NRG3: variants seen among roughly 807,000 people sequenced by gnomAD.
NRG3 encodes pro-neuregulin-3, membrane-bound isoform.
In NRG3, 31 loss-of-function variants were observed where a neutral mutation model predicts 66.9. The ratio of observed to expected loss-of-function variants is 0.46; its 90% CI spans 0.35 to 0.63. The LOEUF (loss-of-function observed/expected upper bound fraction) is 0.63, where lower values mean the gene tolerates loss of function less well. Among genes scored for constraint, NRG3 ranks in the 20% least tolerant of loss-of-function variants. The pLI is 0.00. For synonymous variants in NRG3, 393 were observed against 359.4 expected, an observed-to-expected ratio of 1.09 and a Z score of -1.06; for missense variants, 910 against 878.9, an observed-to-expected ratio of 1.04 and a Z score of -0.45.
chr10:82,595,674 A>G (rs942511245), intron 2 of NRG3, among the ~76,000 whole-genome samples: 1 of 151,632 alleles, frequency 6.6e-6, no homozygotes, highest in Non-Finnish European at 1.5e-5. Flanking sequence ...AGTCCCAGCT[A>G]CTCGGGAGGT....
chr10:82,632,868 T>G (rs2049938288), intron 2 of NRG3, among the ~76,000 whole-genome samples: 1 of 152,200 alleles, frequency 6.6e-6, no homozygotes, highest in South Asian at 2.1e-4. Context: ...GCTGTGATAG[T>G]TGCTCAAGTG....
rs34278793 is a variant in NRG3 at position 81,881,199 on chromosome 10, G to GT, written c.823+5043dup. ...TGTTTTTTTTGTGTTTTTTTTTTTT[G>GT]TTTTTTTGCCCTTTTTTCCTTAGCC... On this transcript the variant is annotated intron_variant, in intron 1 of 8. Coordinates refer to ENST00000372141, the MANE Select transcript of NRG3 (RefSeq NM_001010848.4). Among the ~76,000 whole-genome samples, 1,105 of 121,262 alleles carry GT rather than the reference G, an allele frequency of 9.1e-3. 14 individuals carry two copies. Among genetic ancestry groups the GT allele is most frequent in the African/African-American group, 0.032 (1,061 of 32,878 alleles). 79.6% of individuals were successfully genotyped at this position (121,262 alleles called of 152,430 possible).
chr10:82,963,766 A>C (rs1850917412), intron 6 of NRG3, among the ~76,000 whole-genome samples: 1 of 152,206 alleles, frequency 6.6e-6, no homozygotes, highest in Non-Finnish European at 1.5e-5. Flanking sequence ...AATTCCAAAA[A>C]CTTGAAAATA....
At chr10:82,165,261 A>G (rs1244069106) in intron 1 of NRG3, among the ~76,000 whole-genome samples, 1 of 151,992 alleles carries the variant, frequency 6.6e-6, no homozygotes, top group Non-Finnish European at 1.5e-5. Context: ...TACTGGGAGA[A>G]ATTTTAAGAA....
chr10:82,964,792 G>A (rs1054768071), intron 6 of NRG3, among the ~76,000 whole-genome samples: 4 of 152,112 alleles, frequency 2.6e-5, no homozygotes, highest in Non-Finnish European at 5.9e-5. Flanking sequence ...CAGACCAGGC[G>A]ATTATCAGCA....
rs575350819 is a variant in NRG3 at position 82,651,715 on chromosome 10, A to G, written c.954-86862A>G. Among the ~76,000 whole-genome samples, 38 of 152,344 alleles carry G rather than the reference A, an allele frequency of 2.5e-4. No homozygotes were observed. The Middle Eastern group carries it at 0.014, about 55-fold the overall frequency. ...GTCTAGAGACATTTTGGTTGTCACA[A>G]CTGGGAGGTGGGGGTAATACTAGCG... On this transcript the variant is annotated intron_variant, in intron 2 of 8. Transcript: ENST00000372141.
At chr10:82,416,988 A>G (rs914184797) in intron 2 of NRG3, among the ~76,000 whole-genome samples, 2 of 152,136 alleles carry the variant, frequency 1.3e-5, no homozygotes, top group Admixed American at 1.3e-4. Flanking sequence ...TGTGGTTATC[A>G]ATAGATTTTA....
At chr10:82,761,144 A>G (rs1037957685) in intron 3 of NRG3, among the ~76,000 whole-genome samples, 2 of 152,006 alleles carry the variant, frequency 1.3e-5, no homozygotes, top group African/African-American at 2.4e-5. Flanking sequence ...ATTTTATGAT[A>G]TATAGCAAAA....
At chr10:82,679,297 G>C (rs2053942574) in intron 2 of NRG3, among the ~76,000 whole-genome samples, 1 of 152,134 alleles carries the variant, frequency 6.6e-6, no homozygotes, top group African/African-American at 2.4e-5. Context: ...TTTCATAGCA[G>C]GTGGTATGTC....
intron 1 of NRG3, among the ~76,000 whole-genome samples, chr10:81,900,195 C>T (rs1055381135): frequency 3.3e-5 from 5 of 152,068 alleles, no homozygotes; most frequent in Middle Eastern, 3.4e-3. Flanking sequence ...GTGATCCACC[C>T]GCCTTGGCCT....
intron 1 of NRG3, among the ~76,000 whole-genome samples, chr10:82,190,173 T>G (rs1304397524): frequency 6.6e-6 from 1 of 152,146 alleles, no homozygotes; most frequent in African/African-American, 2.4e-5. Flanking sequence ...GTGCCTACTT[T>G]CTAAAGTTGC....
intron 2 of NRG3, among the ~76,000 whole-genome samples, chr10:82,481,975 A>T (rs1842310929): frequency 6.6e-6 from 1 of 152,216 alleles, no homozygotes; most frequent in South Asian, 2.1e-4. Context: ...CAGTAGAGTG[A>T]GACTCCATCT....
chr10:82,927,883 G>T (rs1847171446), intron 4 of NRG3, among the ~76,000 whole-genome samples: 1 of 152,106 alleles, frequency 6.6e-6, no homozygotes, highest in Admixed American at 6.6e-5. Context: ...TGGGTCAAAT[G>T]GTATTTCTGT....
intron 2 of NRG3, among the ~76,000 whole-genome samples, chr10:82,544,364 C>CT (rs1161438642): frequency 1.3e-5 from 2 of 152,124 alleles, no homozygotes; most frequent in African/African-American, 4.8e-5. Context: ...AAGTTTCAGG[C>CT]TGTGGTAATG....
At chr10:82,487,547 G>A (rs2132212145) in intron 2 of NRG3, among the ~76,000 whole-genome samples, 1 of 152,254 alleles carries the variant, frequency 6.6e-6, no homozygotes, top group Admixed American at 6.5e-5. Flanking sequence ...GGTTAAACAT[G>A]TCATCATGAC....
intron 6 of NRG3, among the ~76,000 whole-genome samples, chr10:82,971,285 A>G (rs1851703256): frequency 6.6e-6 from 1 of 152,034 alleles, no homozygotes; most frequent in African/African-American, 2.4e-5. Flanking sequence ...AAACTATATC[A>G]CTTCTCTTTA....
At chr10:82,664,240 A>G (rs2052588997) in intron 2 of NRG3, among the ~76,000 whole-genome samples, 1 of 152,186 alleles carries the variant, frequency 6.6e-6, no homozygotes, top group Non-Finnish European at 1.5e-5. Context: ...ATACTGCCAT[A>G]CAATTTCTGT....
intron 2 of NRG3, among the ~76,000 whole-genome samples, chr10:82,625,389 C>CT (rs35571609): frequency 2.6e-5 from 4 of 151,992 alleles, no homozygotes; most frequent in Admixed American, 2.0e-4. Context: ...TACACAGATA[C>CT]TTTTTTTAGT....
intron 1 of NRG3, among the ~76,000 whole-genome samples, chr10:82,101,647 T>C (rs1209605322): frequency 1.3e-5 from 2 of 151,854 alleles, no homozygotes; most frequent in East Asian, 3.9e-4. Context: ...CAATGATTTT[T>C]ATGTAATTGA....
Sources: allele counts gnomAD v4.1 joint callset (sites outside exome capture counted in the v4.1 genomes callset), GRCh38; gene constraint gnomAD v4.1.1; transcripts MANE v1.5; gene names NCBI Gene and HGNC (gene_info 2026-07-23, HGNC 2026-07-21).